The following PCDH7 variants were observed in gnomAD, a reference collection of about 807,000 sequenced individuals.
PCDH7 encodes the protein protocadherin-7.
PCDH7 carries 17 observed loss-of-function variants against 58.9 expected under a neutral mutation model. The ratio of observed to expected loss-of-function variants is 0.29; its 90% confidence interval spans 0.20 to 0.43. PCDH7 has a LOEUF of 0.43. Among genes scored for constraint, PCDH7 ranks in the 20% least tolerant of loss-of-function variants. PCDH7 has a pLI of 1.00. For synonymous variants in PCDH7, 664 were observed against 616.4 expected (o/e 1.08, Z -1.14); for missense variants, 1,274 against 1,441.0 (o/e 0.88, Z 1.88).
chr4:30,863,354 T>C (rs1190226637), intron 1 of PCDH7, among the ~76,000 whole-genome samples: 2 of 152,082 alleles, frequency 1.3e-5, no homozygotes, highest in African/African-American at 4.8e-5. Flanking sequence ...CATTTGGTGA[T>C]GTCTGGAGAT....
chr4:31,106,205 T>C (rs1715554316), intron 3 of PCDH7, among the ~76,000 whole-genome samples: 1 of 152,136 alleles, frequency 6.6e-6, no homozygotes, highest in Non-Finnish European at 1.5e-5. Context: ...AGCTCTGCCA[T>C]TGACTTTCTT....
At chr4:30,771,762 T>A (rs1352903900) in intron 1 of PCDH7, among the ~76,000 whole-genome samples, 1 of 152,212 alleles carries the variant, frequency 6.6e-6, no homozygotes, top group Non-Finnish European at 1.5e-5. Context: ...TAACTGTGAA[T>A]GCCTTTTTAT....
chr4:31,070,705 T>A (rs182201593), intron 3 of PCDH7, among the ~76,000 whole-genome samples: 2 of 152,198 alleles, frequency 1.3e-5, no homozygotes, highest in East Asian at 3.9e-4. Flanking sequence ...TTGTTTTATA[T>A]ATTTAGGTTA....
chr4:30,849,729 A>G (rs942604675), intron 1 of PCDH7, among the ~76,000 whole-genome samples: 16 of 152,202 alleles, frequency 1.1e-4, no homozygotes, highest in Non-Finnish European at 1.6e-4. Flanking sequence ...AGACCCTCGC[A>G]TTGTCCTCTT....
chr4:30,898,758 T>G (rs1167023648), intron 1 of PCDH7, among the ~76,000 whole-genome samples: 1 of 151,968 alleles, frequency 6.6e-6, no homozygotes. Flanking sequence ...GCCCGGCTAA[T>G]TTTTTTGTAT....
At chr4:31,110,648 G>A (rs1235918792) in intron 3 of PCDH7, among the ~76,000 whole-genome samples, 1 of 152,128 alleles carries the variant, frequency 6.6e-6, no homozygotes, top group Admixed American at 6.6e-5. Flanking sequence ...GGGCGCGGTG[G>A]CTCACGCCTG....
rs912123815 is a variant in PCDH7, at chr4:30,811,572, C to T, written c.70+86976C>T. On this transcript the variant is annotated intron_variant, in intron 1 of 3. Transcript: ENST00000509759. ...AAGCAACTGGGCAGGACTCCCTTTTCAGGGTACAGTAGGTACAGAGCTTTG... is the reference window on the plus strand; with the variant it reads ...AAGCAACTGGGCAGGACTCCCTTTTTAGGGTACAGTAGGTACAGAGCTTTG... Among the ~76,000 whole-genome samples, 3 of 152,180 alleles carry T rather than the reference C, an allele frequency of 2.0e-5. No individual in the cohort carries two copies. The East Asian group carries it at 5.8e-4, about 29-fold the overall frequency.
intron 1 of PCDH7, among the ~76,000 whole-genome samples, chr4:30,748,207 G>A (rs1022034792): frequency 1.3e-5 from 2 of 152,090 alleles, no homozygotes; most frequent in African/African-American, 2.4e-5. Flanking sequence ...CTGCTTGTTG[G>A]ATGTGATCTA....
intron 3 of PCDH7, among the ~76,000 whole-genome samples, chr4:31,082,520 G>T (rs2109271119): frequency 6.6e-6 from 1 of 152,286 alleles, no homozygotes; most frequent in East Asian, 1.9e-4. Context: ...TGTCAGGACA[G>T]TTGGAAATAC....
At chr4:30,812,137 G>A (rs987884032) in intron 1 of PCDH7, among the ~76,000 whole-genome samples, 1 of 152,144 alleles carries the variant, frequency 6.6e-6, no homozygotes, top group African/African-American at 2.4e-5. Context: ...GAGAATTAAA[G>A]CTTTACAACT....
At chr4:30,733,555 T>C (rs1715825183), downstream of PCDH7, among the ~76,000 whole-genome samples, 3 of 152,084 alleles carry the variant, frequency 2.0e-5, no homozygotes, top group Admixed American at 2.0e-4. Flanking sequence ...AGCCTCTGAG[T>C]AGCTGGGATT....
intron 3 of PCDH7, among the ~76,000 whole-genome samples, chr4:31,055,556 A>G (rs1395264358): frequency 2.0e-5 from 3 of 152,102 alleles, no homozygotes; most frequent in Admixed American, 2.0e-4. Context: ...GCCTTATAAT[A>G]TAAAGGCTTT....
chr4:31,061,795 G>A (rs955207705), intron 3 of PCDH7, among the ~76,000 whole-genome samples: 2 of 151,694 alleles, frequency 1.3e-5, no homozygotes, highest in African/African-American at 4.8e-5. Flanking sequence ...TCATTGAAAT[G>A]ATTGCTGGTT....
intron 3 of PCDH7, among the ~76,000 whole-genome samples, chr4:30,993,770 T>TA (rs1003495189): frequency 2.0e-5 from 3 of 151,622 alleles, no homozygotes; most frequent in African/African-American, 4.8e-5. Context: ...GTGATAATCC[T>TA]AAAAAAAACT....
At chr4:30,891,478 T>C (rs1221263387) in intron 1 of PCDH7, among the ~76,000 whole-genome samples, 4 of 152,054 alleles carry the variant, frequency 2.6e-5, no homozygotes, top group Non-Finnish European at 5.9e-5. Flanking sequence ...TGTCTATAAT[T>C]AGGATACCAG....
chr4:30,989,442 G>A (rs928798986), intron 3 of PCDH7, among the ~76,000 whole-genome samples: 6 of 152,156 alleles, frequency 3.9e-5, no homozygotes, highest in African/African-American at 9.7e-5. Context: ...TGCCTGCAGC[G>A]TGCATGTTGC....
chr4:30,846,949 C>T (rs1732045540), intron 1 of PCDH7, among the ~76,000 whole-genome samples: 1 of 151,816 alleles, frequency 6.6e-6, no homozygotes, highest in Admixed American at 6.6e-5. Flanking sequence ...CATGACAAGA[C>T]CTCATTTCTA....
chr4:31,038,997 A>T (rs1755631972), intron 3 of PCDH7, among the ~76,000 whole-genome samples: 1 of 152,200 alleles, frequency 6.6e-6, no homozygotes, highest in African/African-American at 2.4e-5. Flanking sequence ...ATTAGCATAT[A>T]CCAAGTGCTT....
At chr4:30,971,683 T>C (rs933576664) in intron 3 of PCDH7, among the ~76,000 whole-genome samples, 1 of 152,196 alleles carries the variant, frequency 6.6e-6, no homozygotes, top group Non-Finnish European at 1.5e-5. Context: ...GTAAATTGTC[T>C]ACTTTTGAGG....
Sources: allele counts gnomAD v4.1 joint callset (sites outside exome capture counted in the v4.1 genomes callset), GRCh38; gene constraint gnomAD v4.1.1; transcripts MANE v1.5; gene names NCBI Gene and HGNC (gene_info 2026-07-23, HGNC 2026-07-21).